Variants in MGAT4C observed in about 807,000 individuals in gnomAD.
MGAT4C encodes the protein alpha-1,3-mannosyl-glycoprotein 4-beta-N-acetylglucosaminyltransferase C.
In MGAT4C, 19 loss-of-function variants were observed where a neutral mutation model predicts 40.1. The observed-to-expected ratio is 0.47, with a 90% confidence interval of 0.33 to 0.70. MGAT4C has a LOEUF of 0.70. Ranked by LOEUF, MGAT4C falls within the 30% of genes least tolerant of loss-of-function variation. MGAT4C has a pLI of 0.02. For missense variants in MGAT4C, 491 were observed against 563.2 expected, an observed-to-expected ratio of 0.87 and a Z score of 1.30; for synonymous variants, 181 against 187.1, an observed-to-expected ratio of 0.97 and a Z score of 0.27.
intron 2 of MGAT4C, among the ~76,000 whole-genome samples, chr12:86,606,540 C>A (rs763233056): frequency 5.3e-5 from 8 of 151,990 alleles, no homozygotes; most frequent in Non-Finnish European, 8.8e-5. Flanking sequence ...TGTGTGACTC[C>A]CTTTGTGAGC....
intron 1 of MGAT4C, among the ~76,000 whole-genome samples, chr12:86,245,916 G>A (rs1402255407): frequency 6.6e-6 from 1 of 152,110 alleles, no homozygotes; most frequent in South Asian, 2.1e-4. Flanking sequence ...ATAGCTCAAT[G>A]TGTAGCCAAA....
At chr12:86,193,683 A>C (rs1248527091) in intron 1 of MGAT4C, among the ~76,000 whole-genome samples, 5 of 152,138 alleles carry the variant, frequency 3.3e-5, no homozygotes, top group African/African-American at 1.2e-4. Context: ...TAACAGCATC[A>C]TATTATCTTC....
At chr12:86,450,892 TTA>T (rs1215367718) in intron 2 of MGAT4C, among the ~76,000 whole-genome samples, 1 of 152,190 alleles carries the variant, frequency 6.6e-6, no homozygotes, top group Non-Finnish European at 1.5e-5. Context: ...ATTCATACTT[TTA>T]TATATGAGTA....
At chr12:86,113,890 T>G (rs189270128) in intron 1 of MGAT4C, among the ~76,000 whole-genome samples, 98 of 151,988 alleles carry the variant, frequency 6.4e-4, no homozygotes, top group Non-Finnish European at 1.5e-4. Context: ...ACTGGAAAAG[T>G]CTCAAAAGAC....
intron 2 of MGAT4C, among the ~76,000 whole-genome samples, chr12:86,584,541 A>C (rs534255442): frequency 3.1e-4 from 47 of 151,344 alleles, no homozygotes; most frequent in Middle Eastern, 6.8e-3. Context: ...CCAGAATTTA[A>C]TATTTCTTTT....
chr12:86,683,300 AATCT>A (rs997553272), intron 2 of MGAT4C, among the ~76,000 whole-genome samples: 2 of 152,156 alleles, frequency 1.3e-5, no homozygotes, highest in African/African-American at 4.8e-5. Flanking sequence ...ACCTATCTAT[AATCT>A]ATCTTTTTAT....
chr12:86,656,329 T>A (rs954493426), intron 2 of MGAT4C, among the ~76,000 whole-genome samples: 5 of 151,994 alleles, frequency 3.3e-5, no homozygotes, highest in African/African-American at 4.8e-5. Flanking sequence ...AAAAACATTT[T>A]GAAAAAAACA....
intron 2 of MGAT4C, among the ~76,000 whole-genome samples, chr12:86,597,092 G>A (rs1961567957): frequency 6.6e-6 from 1 of 152,074 alleles, no homozygotes; most frequent in Admixed American, 6.5e-5. Flanking sequence ...TAAAATTTTG[G>A]CTCATGATTC....
intron 1 of MGAT4C, among the ~76,000 whole-genome samples, chr12:86,119,565 G>A (rs1258296631): frequency 6.6e-6 from 1 of 151,536 alleles, no homozygotes; most frequent in Non-Finnish European, 1.5e-5. Flanking sequence ...CCGCCACGAT[G>A]CCCGGCTAAT....
At chr12:86,584,899 A>G in intron 2 of MGAT4C, among the ~76,000 whole-genome samples, 1 of 40,010 alleles carries the variant, frequency 2.5e-5, no homozygotes, top group East Asian at 2.5e-3. Context: ...TCTTCATTTT[A>G]TTAACATATA....
intron 2 of MGAT4C, among the ~76,000 whole-genome samples, chr12:86,703,046 C>T (rs895922392): frequency 2.0e-4 from 31 of 152,010 alleles, no homozygotes; most frequent in African/African-American, 3.9e-4. Flanking sequence ...ACTTTCAAGT[C>T]GGCAGTGGAG....
chr12:86,421,559 G>A (rs1234737370), intron 3 of MGAT4C, among the ~76,000 whole-genome samples: 1 of 152,134 alleles, frequency 6.6e-6, no homozygotes, highest in Non-Finnish European at 1.5e-5. Flanking sequence ...ATCAATTGAG[G>A]TCAGCAGTTC....
At chr12:86,619,996 A>G (rs1962586391) in intron 2 of MGAT4C, among the ~76,000 whole-genome samples, 1 of 152,138 alleles carries the variant, frequency 6.6e-6, no homozygotes, top group Admixed American at 6.6e-5. Context: ...AAACGTGAAT[A>G]AAATGCTCAA....
Position 86,737,086 on chromosome 12 carries a change from T to C in MGAT4C, c.-261-9845A>G, listed in dbSNP as rs781764738. 1.1e-3 allele frequency among the ~76,000 whole-genome samples: 166 copies of C among 151,298 alleles called. 1 individual carries two copies. Among genetic ancestry groups the C allele is most frequent in the Non-Finnish European group, 1.4e-3 (96 of 67,646 alleles). On this transcript the variant is annotated intron_variant, in intron 1 of 7. Transcript: ENST00000548651. ...GGCCCACTTTCTCTTCCAGCTATTA[T>C]CTCATTTCTCTTCTATCAATAAAGT...
chr12:86,192,846 G>C (rs963133122), intron 1 of MGAT4C, among the ~76,000 whole-genome samples: 1 of 151,868 alleles, frequency 6.6e-6, no homozygotes, highest in African/African-American at 2.4e-5. Flanking sequence ...TTTTCTTTAG[G>C]TATTTTATAG....
chr12:86,757,974 T>C (rs182567606), intron 1 of MGAT4C, among the ~76,000 whole-genome samples: 2 of 152,272 alleles, frequency 1.3e-5, no homozygotes, highest in Admixed American at 1.3e-4. Context: ...ACATATAGTA[T>C]CCTGAGGGTG....
intron 3 of MGAT4C, among the ~76,000 whole-genome samples, chr12:86,395,990 T>C (rs112030592): frequency 6.6e-6 from 1 of 152,210 alleles, no homozygotes; most frequent in Non-Finnish European, 1.5e-5. Context: ...CCTGATCTTA[T>C]GTCCACGATT....
chr12:86,506,898 T>C (rs1958481836), intron 2 of MGAT4C, among the ~76,000 whole-genome samples: 1 of 152,156 alleles, frequency 6.6e-6, no homozygotes, highest in Admixed American at 6.6e-5. Flanking sequence ...TCTTCGTAAG[T>C]TTCCTTTAAA....
intron 3 of MGAT4C, among the ~76,000 whole-genome samples, chr12:86,382,678 G>A (rs1246662317): frequency 6.6e-6 from 1 of 152,200 alleles, no homozygotes; most frequent in African/African-American, 2.4e-5. Context: ...GGGTCCCCGT[G>A]CTGTGTGCAG....
Sources: allele counts gnomAD v4.1 joint callset (sites outside exome capture counted in the v4.1 genomes callset), GRCh38; gene constraint gnomAD v4.1.1; transcripts MANE v1.5; gene names NCBI Gene and HGNC (gene_info 2026-07-23, HGNC 2026-07-21).